Variants in RBFOX1 observed in about 807,000 individuals in gnomAD.
The protein encoded by RBFOX1 is RNA binding fox-1 homolog 1, also known as RNA binding protein fox-1 homolog 1.
A neutral mutation model predicts 57.7 loss-of-function variants in RBFOX1; 8 were observed. The ratio of observed to expected loss-of-function variants is 0.14; its 90% CI spans 0.08 to 0.25. The LOEUF (loss-of-function observed/expected upper bound fraction) is 0.25. Ranked by LOEUF, RBFOX1 falls within the 10% of genes least tolerant of loss-of-function variation. The probability of loss-of-function intolerance (pLI) is 1.00; values close to 1 mark genes in which losing one functional copy is unlikely to be tolerated. For missense variants in RBFOX1, 611 were observed against 548.5 expected (o/e 1.11, Z -1.14); for synonymous variants, 326 against 222.4 (o/e 1.47, Z -4.15).
At chr16:7,519,837 A>C in intron 5 of RBFOX1, 2 of 582,572 alleles carry the variant, frequency 3.4e-6, no homozygotes, top group South Asian at 1.5e-4. Flanking sequence ...TAACTTTGCT[A>C]CTTGCCACCT....
intron 14 of RBFOX1, among the ~76,000 whole-genome samples, chr16:7,694,956 T>G (rs546360567): frequency 6.6e-6 from 1 of 152,138 alleles, no homozygotes; most frequent in Non-Finnish European, 1.5e-5. Flanking sequence ...AGATCAAACA[T>G]GAAAAAGATA....
At chr16:6,870,895 C>A (rs192561018) in intron 3 of RBFOX1, among the ~76,000 whole-genome samples, 1 of 152,128 alleles carries the variant, frequency 6.6e-6, no homozygotes, top group Non-Finnish European at 1.5e-5. Flanking sequence ...AATTAAAACT[C>A]ATTTATAAAG....
chr16:7,221,566 C>T (rs1389635079), intron 4 of RBFOX1, among the ~76,000 whole-genome samples: 1 of 152,006 alleles, frequency 6.6e-6, no homozygotes, highest in Non-Finnish European at 1.5e-5. Context: ...GGGGTCGCAC[C>T]ATGTTGGCCA....
At chr16:7,373,938 G>A (rs2097632098) in intron 4 of RBFOX1, among the ~76,000 whole-genome samples, 1 of 152,162 alleles carries the variant, frequency 6.6e-6, no homozygotes, top group African/African-American at 2.4e-5. Context: ...GCAGCCCTTT[G>A]CAATGAAACT....
At chr16:7,468,964 C>G (rs1481897128) in intron 4 of RBFOX1, among the ~76,000 whole-genome samples, 5 of 151,794 alleles carry the variant, frequency 3.3e-5, no homozygotes, top group African/African-American at 4.8e-5. Context: ...GGCAGAGTCT[C>G]ATTCTGTCAC....
chr16:6,966,956 A>G (rs7185845), intron 3 of RBFOX1, among the ~76,000 whole-genome samples: 6,443 of 151,090 alleles, frequency 0.043, 478 homozygotes, highest in African/African-American at 0.15. Flanking sequence ...CCTATTATCT[A>G]TTTGCCTATA....
chr16:6,689,933 G>A (rs889339706), intron 3 of RBFOX1, among the ~76,000 whole-genome samples: 2 of 152,196 alleles, frequency 1.3e-5, no homozygotes, highest in East Asian at 1.9e-4. Flanking sequence ...AATCAGCAAC[G>A]AAGAGGTGTA....
At chr16:5,809,533 C>G (rs1006315682) in intron 3 of RBFOX1, among the ~76,000 whole-genome samples, 11 of 152,158 alleles carry the variant, frequency 7.2e-5, no homozygotes, top group African/African-American at 2.4e-4. Flanking sequence ...AGACACTTCT[C>G]AAAAGAAGAC....
intron 3 of RBFOX1, among the ~76,000 whole-genome samples, chr16:6,821,746 A>G (rs1279562251): frequency 1.3e-5 from 2 of 152,150 alleles, no homozygotes; most frequent in Non-Finnish European, 2.9e-5. Flanking sequence ...ATAATATTCC[A>G]CTGTAGAAAT....
intron 2 of RBFOX1, among the ~76,000 whole-genome samples, chr16:5,511,592 C>T (rs1166799644): frequency 6.6e-6 from 1 of 152,148 alleles, no homozygotes; most frequent in African/African-American, 2.4e-5. Flanking sequence ...GTGCCTCTTT[C>T]CCCTCAATAT....
intron 1 of RBFOX1, among the ~76,000 whole-genome samples, chr16:6,089,912 C>G (rs11649422): frequency 1.3e-5 from 2 of 152,008 alleles, no homozygotes; most frequent in African/African-American, 4.8e-5. Context: ...AATAAATGAT[C>G]ACATTCTTAG....
chr16:6,326,753 C>G (rs1290334246), intron 2 of RBFOX1, among the ~76,000 whole-genome samples: 1 of 149,032 alleles, frequency 6.7e-6, no homozygotes, highest in Non-Finnish European at 1.5e-5. Context: ...GAGGCAATTT[C>G]AAGCAGATTG....
In RBFOX1 at chr16:7,280,397, G is replaced by T. The variant is rs895025736; in HGVS notation, c.27+228299G>T. 3.3e-5 allele frequency among the ~76,000 whole-genome samples: 5 copies of T among 152,318 alleles called. No individual in the cohort carries two copies. The East Asian group carries it at 7.7e-4, about 24-fold the overall frequency. ...CTGTTGGTTAAGAAAGACATGCACA[G>T]TATCTGCACAATGTCCAAGGGATCC... is the stretch of plus-strand genomic sequence containing the variant. On this transcript the variant is annotated intron_variant, in intron 4 of 15. Coordinates refer to ENST00000550418, the MANE Select transcript of RBFOX1 (RefSeq NM_018723.4).
intron 4 of RBFOX1, among the ~76,000 whole-genome samples, chr16:7,252,723 C>T (rs971504006): frequency 6.6e-6 from 1 of 150,862 alleles, no homozygotes; most frequent in Non-Finnish European, 1.5e-5. Flanking sequence ...ATTTGAGTCA[C>T]CCAACGCTAA....
At chr16:5,953,256 G>A (rs1169697740) in intron 4 of RBFOX1, among the ~76,000 whole-genome samples, 1 of 152,186 alleles carries the variant, frequency 6.6e-6, no homozygotes, top group African/African-American at 2.4e-5. Context: ...AGTTAAGGAT[G>A]CCCAATGAAA....
At chr16:6,666,806 G>T (rs2098735978) in intron 3 of RBFOX1, among the ~76,000 whole-genome samples, 1 of 152,080 alleles carries the variant, frequency 6.6e-6, no homozygotes, top group African/African-American at 2.4e-5. Context: ...ACTGCTAAAT[G>T]TCATCCTGTG....
chr16:5,592,814 A>G (rs1352630636), intron 2 of RBFOX1, among the ~76,000 whole-genome samples: 4 of 152,200 alleles, frequency 2.6e-5, no homozygotes, highest in Non-Finnish European at 5.9e-5. Flanking sequence ...CTTGGCGTCC[A>G]GAATTCCCAA....
intron 4 of RBFOX1, among the ~76,000 whole-genome samples, chr16:6,005,506 G>C (rs2152333125): frequency 6.6e-6 from 1 of 152,342 alleles, no homozygotes; most frequent in East Asian, 1.9e-4. Context: ...TGAAGTGTTA[G>C]GTGATACAAG....
chr16:6,635,759 C>T (rs1567976832), intron 2 of RBFOX1, among the ~76,000 whole-genome samples: 1 of 152,024 alleles, frequency 6.6e-6, no homozygotes, highest in Non-Finnish European at 1.5e-5. Context: ...TTATTTTACC[C>T]AACATAAACT....
Sources: gnomAD v4.1 joint callset for allele counts (sites outside exome capture counted in the v4.1 genomes callset) on GRCh38, gnomAD v4.1.1 for gene constraint, MANE v1.5 for transcripts, NCBI Gene and HGNC (gene_info 2026-07-23, HGNC 2026-07-21) for gene names.